GLB1: variants seen among roughly 807,000 people sequenced by gnomAD.
GLB1 encodes the protein beta-galactosidase.
A neutral mutation model predicts 74.0 loss-of-function variants in GLB1; 56 were observed. The observed-to-expected ratio is 0.76, with a 90% CI of 0.61 to 0.94. The LOEUF (loss-of-function observed/expected upper bound fraction) is 0.94. GLB1 is among the 40% of genes least tolerant of loss of function. The probability of loss-of-function intolerance (pLI) is 0.00; values close to 1 mark genes in which losing one functional copy is unlikely to be tolerated. For missense variants in GLB1, 787 were observed against 845.5 expected (o/e 0.93, Z 0.86); for synonymous variants, 323 against 323.6 (o/e 1.00, Z 0.02).
At chr3:33,051,850 A>G (rs1304674505) in intron 8 of GLB1, 33 bp downstream of exon 8, 13 of 1,614,078 alleles carry the variant, frequency 8.1e-6, no homozygotes, top group African/African-American at 1.3e-5. Flanking sequence ...ATGGCTACTG[A>G]GGGCACCCTC....
chr3:33,008,999 A>G (rs1055700472), intron 15 of GLB1, among the ~76,000 whole-genome samples: 32 of 152,050 alleles, frequency 2.1e-4, no homozygotes, highest in Non-Finnish European at 4.3e-4. Context: ...CATGCCTGTA[A>G]TCCCAGCTAC....
intron 10 of GLB1, among the ~76,000 whole-genome samples, chr3:33,035,534 G>C (rs1698236361): frequency 6.6e-6 from 1 of 152,178 alleles, no homozygotes; most frequent in African/African-American, 2.4e-5. Context: ...TAATTCTTAA[G>C]GTGATGGTAT....
rs192567428 is a variant in GLB1 at position 33,074,278 on chromosome 3, C to T, written c.76-1565G>A. Among the ~76,000 whole-genome samples, 610 of 147,582 alleles carry T rather than the reference C, an allele frequency of 4.1e-3. 11 individuals carry two copies. Among genetic ancestry groups the T allele is most frequent in the African/African-American group, 0.015 (579 of 39,662 alleles). On this transcript the variant is annotated intron_variant, in intron 1 of 15. Coordinates refer to ENST00000307363, the MANE Select transcript of GLB1 (RefSeq NM_000404.4). ...TGAGCCGAGATCATGCCACTGTACT[C>T]CAGCCAGGTGACAGAGCGAGACTCC... is the stretch of plus-strand genomic sequence containing the variant.
At chr3:32,985,655 A>T in the GLB1 span, among the ~76,000 whole-genome samples, 1 of 152,042 alleles carries the variant, frequency 6.6e-6, no homozygotes, top group Non-Finnish European at 1.5e-5. Context: ...TGTGTTTAGT[A>T]TTGATGCGTC....
At chr3:33,050,411 G>T (rs6770614) in intron 9 of GLB1, among the ~76,000 whole-genome samples, 17,925 of 152,198 alleles carry the variant, frequency 0.12, 1,212 homozygotes, top group Admixed American at 0.17. Context: ...CCAATGAATG[G>T]ATAAATAAAA....
chr3:33,002,925 G>A (rs1437468999), intron 15 of GLB1, among the ~76,000 whole-genome samples: 1 of 151,980 alleles, frequency 6.6e-6, no homozygotes, highest in Non-Finnish European at 1.5e-5. Context: ...TGCTTACCTG[G>A]GAGAAAGAGA....
intron 5 of GLB1, 76 bp downstream of exon 5, chr3:33,065,387 T>C (rs778510302): frequency 1.8e-4 from 277 of 1,522,328 alleles, no homozygotes; most frequent in Non-Finnish European, 2.4e-4. Flanking sequence ...CATGTCTGCA[T>C]CACTTCTATC....
At chr3:33,056,743 G>A (rs944110752) in intron 6 of GLB1, among the ~76,000 whole-genome samples, 38 of 151,986 alleles carry the variant, frequency 2.5e-4, no homozygotes, top group African/African-American at 8.0e-4. Flanking sequence ...AGCCACCTGA[G>A]AATAAATTGC....
the GLB1 span, among the ~76,000 whole-genome samples, chr3:32,969,373 T>G: frequency 6.6e-6 from 1 of 152,120 alleles, no homozygotes; most frequent in Non-Finnish European, 1.5e-5. Context: ...TTTTAACCGC[T>G]GGAAGTAAAG....
At chr3:32,999,717 T>TCG (rs927396346) in intron 15 of GLB1, among the ~76,000 whole-genome samples, 48 of 152,156 alleles carry the variant, frequency 3.2e-4, no homozygotes, top group African/African-American at 1.1e-3. Context: ...CAATCCTGGC[T>TCG]CGCTGCAGCC....
At chr3:33,065,413 A>C in intron 5 of GLB1, 50 bp downstream of exon 5, 2 of 1,549,076 alleles carry the variant, frequency 1.3e-6, no homozygotes, top group Non-Finnish European at 1.7e-6. Context: ...TGTAATGTAG[A>C]TGGATGGGAA....
At chr3:33,015,190 TG>T (rs1389167808) in intron 14 of GLB1, among the ~76,000 whole-genome samples, 2 of 152,068 alleles carry the variant, frequency 1.3e-5, no homozygotes, top group Non-Finnish European at 2.9e-5. Flanking sequence ...TGAGTGAGTG[TG>T]GGATACAAAG....
chr3:33,071,427 G>A (rs1330171810), intron 2 of GLB1, among the ~76,000 whole-genome samples: 2 of 152,068 alleles, frequency 1.3e-5, no homozygotes, highest in African/African-American at 4.8e-5. Context: ...TTTCTTGCCT[G>A]TTAGTTAGTT....
At chr3:33,071,082 A>G (rs1203943620) in intron 2 of GLB1, among the ~76,000 whole-genome samples, 2 of 152,208 alleles carry the variant, frequency 1.3e-5, no homozygotes, top group Non-Finnish European at 1.5e-5. Context: ...GTCTACCTAC[A>G]GACAGCATGG....
the GLB1 span, among the ~76,000 whole-genome samples, chr3:32,984,310 G>C: frequency 2.6e-5 from 4 of 151,834 alleles, no homozygotes; most frequent in African/African-American, 9.7e-5. Context: ...GCGTTGCTCA[G>C]GGGGGAATTC....
At chr3:33,094,390 AACC>A in intron 1 of GLB1, 1 of 1,349,666 alleles carries the variant, frequency 7.4e-7, no homozygotes, top group Admixed American at 3.4e-5. Flanking sequence ...ACATCTGCCC[AACC>A]CACCTTGAAT....
intron 15 of GLB1, among the ~76,000 whole-genome samples, chr3:33,012,726 G>T (rs1467455208): frequency 6.6e-6 from 1 of 152,042 alleles, no homozygotes; most frequent in East Asian, 1.9e-4. Flanking sequence ...GCTTCTTTCA[G>T]CAAATGGTAC....
chr3:33,030,922 G>T, intron 10 of GLB1: 2 of 649,250 alleles, frequency 3.1e-6, no homozygotes, highest in Non-Finnish European at 3.8e-6. Context: ...AGAGGAGGTC[G>T]CTGCCCTATA....
At chr3:33,053,790 C>T (rs1449855788) in intron 6 of GLB1, among the ~76,000 whole-genome samples, 1 of 152,158 alleles carries the variant, frequency 6.6e-6, no homozygotes, top group Non-Finnish European at 1.5e-5. Flanking sequence ...CCTATAAAAA[C>T]AGACTCCAGC....
Sources: gnomAD v4.1 joint callset for allele counts (sites outside exome capture counted in the v4.1 genomes callset) on GRCh38, gnomAD v4.1.1 for gene constraint, MANE v1.5 for transcripts, NCBI Gene and HGNC (gene_info 2026-07-23, HGNC 2026-07-21) for gene names.